The following EPAS1 variants were observed in gnomAD, a reference collection of about 807,000 sequenced individuals.
The protein encoded by EPAS1 is endothelial PAS domain protein 1.
A neutral mutation model predicts 87.9 loss-of-function variants in EPAS1; 23 were observed. The observed-to-expected ratio is 0.26, with a 90% CI of 0.19 to 0.37. The LOEUF (loss-of-function observed/expected upper bound fraction) is 0.37, where lower values mean the gene tolerates loss of function less well. Among genes scored for constraint, EPAS1 ranks in the 10% least tolerant of loss-of-function variants. The pLI is 1.00. For synonymous variants in EPAS1, 508 were observed against 444.3 expected, an observed-to-expected ratio of 1.14 and a Z score of -1.80; for missense variants, 1,138 against 1,120.7, an observed-to-expected ratio of 1.02 and a Z score of -0.22.
At chr2:46,335,691 C>G (rs1683776871) in intron 1 of EPAS1, 1 of 151,994 alleles carries the variant, frequency 6.6e-6, no homozygotes, top group South Asian at 2.1e-4. Flanking sequence ...GACTTCTACT[C>G]CGAAGCGCCC....
At chr2:46,323,269 T>TA (rs1252353094) in intron 1 of EPAS1, among the ~76,000 whole-genome samples, 16 of 152,356 alleles carry the variant, frequency 1.1e-4, no homozygotes, top group African/African-American at 3.8e-4. Context: ...TAAAAATAGT[T>TA]ATTCTACTCT....
At position 46,312,164 on chromosome 2, in the gene EPAS1, G is replaced by A. The variant is rs148296270; in HGVS notation, c.26+14227G>A. The stretch of plus-strand genomic sequence containing the variant: ...AAATTAGCGTTGGGATGACCACAGG[G>A]TTCTGTGTTTCTTGGCTTTTATCTT... On this transcript the variant is annotated intron_variant, in intron 1 of 15. Coordinates refer to ENST00000263734, the MANE Select transcript of EPAS1 (RefSeq NM_001430.5). 3.9e-5 allele frequency among the ~76,000 whole-genome samples: 6 copies of A among 152,288 alleles called. No homozygotes were observed. In the East Asian group the frequency reaches 9.6e-4, roughly 24 times the overall value.
At chr2:46,338,346 T>C (rs903902600) in intron 1 of EPAS1, among the ~76,000 whole-genome samples, 2 of 152,064 alleles carry the variant, frequency 1.3e-5, no homozygotes, top group African/African-American at 2.4e-5. Context: ...TTCCTAGTTA[T>C]ATAGTCAGTA....
intron 1 of EPAS1, among the ~76,000 whole-genome samples, chr2:46,315,331 A>G (rs1007487068): frequency 2.0e-5 from 3 of 152,196 alleles, no homozygotes; most frequent in African/African-American, 7.2e-5. Flanking sequence ...CATGTTGTAC[A>G]GAGGGGGCGG....
intron 6 of EPAS1, among the ~76,000 whole-genome samples, chr2:46,369,094 C>G (rs1240011055): frequency 1.3e-5 from 2 of 152,134 alleles, no homozygotes; most frequent in Non-Finnish European, 2.9e-5. Flanking sequence ...TCTGAGCTGC[C>G]TATTAGAGTA....
At chr2:46,367,500 G>A (rs1025037522) in intron 6 of EPAS1, among the ~76,000 whole-genome samples, 2 of 152,254 alleles carry the variant, frequency 1.3e-5, no homozygotes, top group African/African-American at 4.8e-5. Context: ...TTTGATCGTA[G>A]GACCAGCACT....
At chr2:46,340,988 G>A (rs943455286) in intron 1 of EPAS1, among the ~76,000 whole-genome samples, 2 of 152,174 alleles carry the variant, frequency 1.3e-5, no homozygotes, top group African/African-American at 4.8e-5. Context: ...CCAAAGTGCT[G>A]TGATTATAGG....
rs1682915430 is a variant in EPAS1 at position 46,297,865 on chromosome 2, G to A, written c.-47G>A. 1 of 1,599,658 alleles carries A rather than the reference G, an allele frequency of 6.3e-7. No homozygotes were observed. The highest frequency in any genetic ancestry group is 8.5e-7 in the Non-Finnish European group (1 of 1,173,388). ...GGGCCACAGCCCCCCACCCGCCAGG[G>A]AGCCCAGGTGCTCGGCGTCTGAACG... On this transcript the variant is annotated 5_prime_UTR_variant, in exon 1 of 16. Coordinates refer to ENST00000263734, the MANE Select transcript of EPAS1 (RefSeq NM_001430.5).
intron 6 of EPAS1, among the ~76,000 whole-genome samples, chr2:46,362,025 G>C (rs978205808): frequency 1.3e-5 from 2 of 152,210 alleles, no homozygotes; most frequent in African/African-American, 4.8e-5. Context: ...GCCCAGGGTA[G>C]GCCTGGCTTG....
intron 1 of EPAS1, among the ~76,000 whole-genome samples, chr2:46,324,212 A>G (rs1572620368): frequency 1.3e-5 from 2 of 151,974 alleles, no homozygotes; most frequent in African/African-American, 4.8e-5. Context: ...GACTACAGGC[A>G]CCCGCCACCA....
chr2:46,298,165 C>T (rs1682924785), intron 1 of EPAS1, among the ~76,000 whole-genome samples: 1 of 152,182 alleles, frequency 6.6e-6, no homozygotes, highest in African/African-American at 2.4e-5. Context: ...GATTTGCGCG[C>T]ACGGCGAGGC....
intron 1 of EPAS1, among the ~76,000 whole-genome samples, chr2:46,325,982 G>T (rs1476878670): frequency 6.6e-6 from 1 of 152,210 alleles, no homozygotes; most frequent in Non-Finnish European, 1.5e-5. Flanking sequence ...ATGGCGCCCA[G>T]TTATTCTTCA....
chr2:46,332,985 G>A (rs1215505162), intron 1 of EPAS1, among the ~76,000 whole-genome samples: 4 of 152,206 alleles, frequency 2.6e-5, no homozygotes, highest in African/African-American at 9.7e-5. Context: ...GAGCTGACTA[G>A]CAGCTGGCTC....
chr2:46,313,786 C>G (rs532726641), intron 1 of EPAS1, among the ~76,000 whole-genome samples: 27 of 152,270 alleles, frequency 1.8e-4, no homozygotes, highest in Non-Finnish European at 1.5e-5. Flanking sequence ...TCATCTGTCA[C>G]CTTTGCTGCC....
At chr2:46,372,980 G>A (rs1029605148) in intron 7 of EPAS1, among the ~76,000 whole-genome samples, 9 of 152,188 alleles carry the variant, frequency 5.9e-5, no homozygotes, top group African/African-American at 1.2e-4. Flanking sequence ...TTAGGACAGC[G>A]GCAACAGCAA....
At chr2:46,353,754 C>A (rs932122760) in intron 2 of EPAS1, among the ~76,000 whole-genome samples, 1 of 152,214 alleles carries the variant, frequency 6.6e-6, no homozygotes, top group Non-Finnish European at 1.5e-5. Context: ...AAGCAGGGAT[C>A]AGGTGTGCGT....
chr2:46,332,028 G>A (rs2104858794), intron 1 of EPAS1, among the ~76,000 whole-genome samples: 1 of 152,320 alleles, frequency 6.6e-6, no homozygotes, highest in Non-Finnish European at 1.5e-5. Flanking sequence ...ACAGAACTGA[G>A]TGTGCAGGCC....
chr2:46,379,405 T>G (rs1425820006), intron 11 of EPAS1, among the ~76,000 whole-genome samples: 1 of 152,314 alleles, frequency 6.6e-6, no homozygotes, highest in Non-Finnish European at 1.5e-5. Context: ...TGTTTCTTGA[T>G]CCTACTTGGC....
At chr2:46,337,390 T>C (rs1683815045) in intron 1 of EPAS1, among the ~76,000 whole-genome samples, 3 of 152,128 alleles carry the variant, frequency 2.0e-5, no homozygotes, top group Admixed American at 6.5e-5. Context: ...GCCTGGGAGA[T>C]GGAGAGAGTA....
Sources: gnomAD v4.1 joint callset for allele counts (sites outside exome capture counted in the v4.1 genomes callset) on GRCh38, gnomAD v4.1.1 for gene constraint, MANE v1.5 for transcripts, NCBI Gene and HGNC (gene_info 2026-07-23, HGNC 2026-07-21) for gene names.